Variants in ZDHHC3 observed in about 807,000 individuals in gnomAD.
ZDHHC3 encodes the protein zDHHC palmitoyltransferase 3.
ZDHHC3 carries 9 observed loss-of-function variants against 30.6 expected under a neutral mutation model. The ratio of observed to expected loss-of-function variants is 0.29; its 90% confidence interval spans 0.18 to 0.51. ZDHHC3 has a LOEUF of 0.51. Among genes scored for constraint, ZDHHC3 ranks in the 20% least tolerant of loss-of-function variants. The pLI is 0.97. For missense variants in ZDHHC3, 246 were observed against 384.2 expected (o/e 0.64, Z 3.01); for synonymous variants, 136 against 140.2 (o/e 0.97, Z 0.21).
At chr3:44,929,958 C>T (rs1451528193) in intron 5 of ZDHHC3, among the ~76,000 whole-genome samples, 3 of 152,248 alleles carry the variant, frequency 2.0e-5, no homozygotes, top group Admixed American at 6.5e-5. Context: ...GGATTTTAAG[C>T]TTGGCAGGGG....
chr3:44,920,994 A>C lies in ZDHHC3; in HGVS notation c.*5695T>G, dbSNP rs938878415. 1.0e-6 allele frequency: 1 copy of C among 985,336 alleles called. No individual in the cohort carries two copies. Among genetic ancestry groups the C allele is most frequent in the Non-Finnish European group, 1.2e-6 (1 of 829,944 alleles). The allele number at this position is 985,336 out of a possible 1,614,324, so 61.0% of individuals were successfully genotyped here. A position where few individuals can be genotyped will look rare whatever the true frequency, so the allele number is the denominator to read the frequency against. On this transcript the variant is annotated 3_prime_UTR_variant, in exon 7 of 7. Transcript: ENST00000424952. ...TTGTGTGGATTTAAAGGGATCCTGC[A>C]GGCAAAGTTCTTAAGCTTGAGGTTT...
rs1158903150 is a variant in ZDHHC3, at chr3:44,976,057, A to G, written c.-149T>C. 1 of 403,398 alleles carries G rather than the reference A, an allele frequency of 2.5e-6. No individual in the cohort carries two copies. Among genetic ancestry groups the G allele is most frequent in the African/African-American group, 2.1e-5 (1 of 47,838 alleles). 25.0% of individuals were successfully genotyped at this position (403,398 alleles called of 1,614,324 possible). A position where few individuals can be genotyped will look rare whatever the true frequency, so the allele number is the denominator to read the frequency against. ...CGGGCTTCGGCGATGGCTCCTCGGA[A>G]CGAGGCGCCGCGGCTCTCTGGACTC... On this transcript the variant is annotated 5_prime_UTR_variant, in exon 1 of 7. Transcript: ENST00000424952.
rs1279011716 is a variant in ZDHHC3, at chr3:44,915,946, T to A, written c.*10743A>T. 2.0e-5 allele frequency: 3 copies of A among 152,240 alleles called. No individual in the cohort carries two copies. Among genetic ancestry groups the A allele is most frequent in the Non-Finnish European group, 2.9e-5 (2 of 68,080 alleles). The allele number at this position is 152,240 out of a possible 1,614,324, so 9.4% of individuals were successfully genotyped here. On this transcript the variant is annotated 3_prime_UTR_variant, in exon 7 of 7. Coordinates refer to ENST00000424952, the MANE Select transcript of ZDHHC3 (RefSeq NM_001135179.2). ...TGGCAGCCCAGAGCTGCTTCTGGGT[T>A]AGGACAACAAATAGGGGGCCCTACA...
Position 44,929,455 on chromosome 3 carries a change from A to C in ZDHHC3, c.611-19T>G, listed in dbSNP as rs925995301. The C allele has an allele frequency of 6.2e-7, 1 of 1,613,140 alleles. No individual in the cohort carries two copies. Among genetic ancestry groups the C allele is most frequent in the Non-Finnish European group, 8.5e-7 (1 of 1,179,576 alleles). On this transcript the variant is annotated intron_variant, in intron 5 of 6. Coordinates refer to ENST00000424952, the MANE Select transcript of ZDHHC3 (RefSeq NM_001135179.2). ...CTGCACTCTGAAAGAGAAGCAGCAC[A>C]CAGGGATTGGTACTGTCACCCACTG...
chr3:44,950,095 G>C (rs921148656), intron 2 of ZDHHC3, among the ~76,000 whole-genome samples: 4 of 152,196 alleles, frequency 2.6e-5, no homozygotes, highest in African/African-American at 7.2e-5. Flanking sequence ...TTGGCCTTCT[G>C]AAGTGCTGGG....
rs1701001562 is a variant in ZDHHC3 at position 44,926,506 on chromosome 3, T to C, written c.*183A>G. On this transcript the variant is annotated 3_prime_UTR_variant, in exon 7 of 7. Transcript: ENST00000424952. ...CCAAAAGAAATCGAAAGGATGGTTTTTAAAAAATAAAATGTGGGGACTTTT... is the reference window on the plus strand; with the variant it reads ...CCAAAAGAAATCGAAAGGATGGTTTCTAAAAAATAAAATGTGGGGACTTTT... 1.6e-6 allele frequency: 2 copies of C among 1,282,256 alleles called. No homozygotes were observed. The highest frequency in any genetic ancestry group is 9.8e-7 in the Non-Finnish European group (1 of 1,016,056). The allele number at this position is 1,282,256 out of a possible 1,614,324, so 79.4% of individuals were successfully genotyped here. A position where few individuals can be genotyped will look rare whatever the true frequency, so the allele number is the denominator to read the frequency against.
chr3:44,944,871 TAC>T (rs1702775608), intron 3 of ZDHHC3, among the ~76,000 whole-genome samples: 1 of 152,194 alleles, frequency 6.6e-6, no homozygotes, highest in African/African-American at 2.4e-5. Context: ...CCCTCCATTT[TAC>T]ATATATAAAA....
At chr3:44,958,843 T>G (rs1012443903) in intron 2 of ZDHHC3, among the ~76,000 whole-genome samples, 1 of 152,190 alleles carries the variant, frequency 6.6e-6, no homozygotes, top group African/African-American at 2.4e-5. Context: ...AGAGGCCAGG[T>G]TTCCCCCAGA....
rs1315063524 is a variant in ZDHHC3 at position 44,920,536 on chromosome 3, G to A, written c.*6153C>T. Reference sequence around the variant, plus strand: ...GTATTGATGATTGGCAGATGGGGAAGAAACAGAAGTTCCAAGAGGCCATGA... The same window carrying A: ...GTATTGATGATTGGCAGATGGGGAAAAAACAGAAGTTCCAAGAGGCCATGA... On this transcript the variant is annotated 3_prime_UTR_variant, in exon 7 of 7. Transcript: ENST00000424952. 2.0e-6 allele frequency: 2 copies of A among 985,250 alleles called. No homozygotes were observed. The highest frequency in any genetic ancestry group is 1.7e-5 in the African/African-American group (1 of 57,242). 61.0% of individuals were successfully genotyped at this position (985,250 alleles called of 1,614,324 possible). A position where few individuals can be genotyped will look rare whatever the true frequency, so the allele number is the denominator to read the frequency against.
intron 2 of ZDHHC3, among the ~76,000 whole-genome samples, chr3:44,950,390 T>C (rs921022094): frequency 2.6e-5 from 4 of 152,206 alleles, no homozygotes; most frequent in African/African-American, 9.7e-5. Context: ...GGGGACCCTG[T>C]ATAAAAGACT....
At chr3:44,957,293 C>T (rs963061049) in intron 2 of ZDHHC3, among the ~76,000 whole-genome samples, 1 of 152,210 alleles carries the variant, frequency 6.6e-6, no homozygotes, top group Non-Finnish European at 1.5e-5. Context: ...GTGAGCTTCA[C>T]AAGGGCAGGA....
chr3:44,933,666 T>C (rs1701693112), intron 4 of ZDHHC3, among the ~76,000 whole-genome samples: 2 of 152,218 alleles, frequency 1.3e-5, no homozygotes, highest in African/African-American at 4.8e-5. Context: ...AATACAGCCC[T>C]TGCTCATAGC....
chr3:44,918,309 C>T lies in ZDHHC3; in HGVS notation c.*8380G>A, dbSNP rs1305743598. On this transcript the variant is annotated 3_prime_UTR_variant, in exon 7 of 7. Coordinates refer to ENST00000424952, the MANE Select transcript of ZDHHC3 (RefSeq NM_001135179.2). ...GCAGTCTGTTGTGGCCCAGGTCACC[C>T]CCGGGAGGTCCCTCAGAGGACTGCT... 4 of 985,168 alleles carry T rather than the reference C, an allele frequency of 4.1e-6. No individual in the cohort carries two copies. In the South Asian group the frequency reaches 1.4e-4, roughly 35 times the overall value. The allele number at this position is 985,168 out of a possible 1,614,324, so 61.0% of individuals were successfully genotyped here.
In ZDHHC3 at chr3:44,931,234, T is replaced by A. The variant is rs1701459467; in HGVS notation, c.611-1798A>T. On this transcript the variant is annotated intron_variant, in intron 5 of 6. Transcript: ENST00000424952. ...ATTCATGAAAGAACATCTGCACAGT[T>A]CGGCCTTGGCCTGGCAGGAGCACAT... Among the ~76,000 whole-genome samples, 3 of 152,192 alleles carry A rather than the reference T, an allele frequency of 2.0e-5. No homozygotes were observed. The South Asian group carries it at 6.2e-4, about 31-fold the overall frequency.
At chr3:44,949,066 C>T (rs968036374) in intron 2 of ZDHHC3, among the ~76,000 whole-genome samples, 1 of 152,032 alleles carries the variant, frequency 6.6e-6, no homozygotes, top group Non-Finnish European at 1.5e-5. Context: ...ACTCTTTCAA[C>T]TCTCTAAAGC....
rs1363035755 is a variant in ZDHHC3 at position 44,923,502 on chromosome 3, CT to C, written c.*3186del. The C allele has an allele frequency of 1.0e-6, 1 of 985,112 alleles. No individual in the cohort carries two copies. Among genetic ancestry groups the C allele is most frequent in the Non-Finnish European group, 1.2e-6 (1 of 829,900 alleles). The allele number at this position is 985,112 out of a possible 1,614,324, so 61.0% of individuals were successfully genotyped here. A position where few individuals can be genotyped will look rare whatever the true frequency, so the allele number is the denominator to read the frequency against. ...GATGAGCAAAAGCTAATACTTGGGG[CT>C]TTTTCAAGAAGTACAGGGCTGGGCC... On this transcript the variant is annotated 3_prime_UTR_variant, in exon 7 of 7. Transcript: ENST00000424952.
At chr3:44,958,748 G>T in intron 2 of ZDHHC3, 1 of 1,382,830 alleles carries the variant, frequency 7.2e-7, no homozygotes, top group Non-Finnish European at 9.9e-7. Flanking sequence ...TCACTGGGAA[G>T]CCCAATCCTG....
chr3:44,935,322 C>CTAGA (rs1701858386), intron 3 of ZDHHC3, among the ~76,000 whole-genome samples: 2 of 152,196 alleles, frequency 1.3e-5, no homozygotes, highest in Admixed American at 1.3e-4. Flanking sequence ...GTCACCCAGG[C>CTAGA]TAGAGTGCAG....
At chr3:44,937,555 T>TTG (rs1553686248) in intron 3 of ZDHHC3, 1 of 140,946 alleles carries the variant, frequency 7.1e-6, no homozygotes. Flanking sequence ...ATAAGTTTTT[T>TTG]TTTTTTTTTT....
Sources: gnomAD v4.1 joint callset for allele counts (sites outside exome capture counted in the v4.1 genomes callset) on GRCh38, gnomAD v4.1.1 for gene constraint, MANE v1.5 for transcripts, NCBI Gene and HGNC (gene_info 2026-07-23, HGNC 2026-07-21) for gene names.